CDH13: variants seen among roughly 807,000 people sequenced by gnomAD.
CDH13 encodes the protein cadherin 13, also known as cadherin-13.
In CDH13, 24 loss-of-function variants were observed where a neutral mutation model predicts 63.8. The observed-to-expected ratio is 0.38, with a 90% confidence interval of 0.27 to 0.53. CDH13 has a LOEUF of 0.53. CDH13 is among the 20% of genes least tolerant of loss of function. The probability of loss-of-function intolerance (pLI) is 0.85; values close to 1 mark genes in which losing one functional copy is unlikely to be tolerated. For synonymous variants in CDH13, 503 were observed against 355.3 expected, an observed-to-expected ratio of 1.42 and a Z score of -4.67; for missense variants, 1,049 against 903.1, an observed-to-expected ratio of 1.16 and a Z score of -2.07.
chr16:83,575,824 C>T (rs1905050833), intron 7 of CDH13, among the ~76,000 whole-genome samples: 2 of 152,218 alleles, frequency 1.3e-5, no homozygotes, highest in African/African-American at 2.4e-5. Flanking sequence ...CTGCCTCCCA[C>T]ACTGGGCTAT....
chr16:83,118,001 A>T (rs2035390061), intron 3 of CDH13, among the ~76,000 whole-genome samples: 1 of 152,222 alleles, frequency 6.6e-6, no homozygotes, highest in African/African-American at 2.4e-5. Context: ...ATCTTTGTGT[A>T]GGGATGACAG....
intron 6 of CDH13, among the ~76,000 whole-genome samples, chr16:83,465,640 G>A (rs2073294437): frequency 6.6e-6 from 1 of 152,212 alleles, no homozygotes; most frequent in South Asian, 2.1e-4. Context: ...TAGTGTTGGG[G>A]AATTATATGG....
intron 1 of CDH13, among the ~76,000 whole-genome samples, chr16:82,655,260 T>G (rs993020969): frequency 1.3e-5 from 2 of 152,164 alleles, no homozygotes; most frequent in African/African-American, 2.4e-5. Flanking sequence ...TAGTAATCAG[T>G]GTTGCAATCA....
chr16:83,212,927 C>T (rs1205423767), intron 4 of CDH13, among the ~76,000 whole-genome samples: 2 of 152,210 alleles, frequency 1.3e-5, no homozygotes, highest in Admixed American at 1.3e-4. Flanking sequence ...AAGGCCCCTA[C>T]TGGAAGTGAC....
chr16:83,123,216 A>G (rs1159005400), intron 3 of CDH13, among the ~76,000 whole-genome samples: 1 of 151,878 alleles, frequency 6.6e-6, no homozygotes, highest in African/African-American at 2.4e-5. Context: ...ATATGTTTAT[A>G]TATACGTATA....
chr16:82,869,235 A>T (rs1380945015), intron 2 of CDH13, among the ~76,000 whole-genome samples: 1 of 152,082 alleles, frequency 6.6e-6, no homozygotes. Context: ...TTAATAGAGC[A>T]AAGTTTTGCC....
intron 2 of CDH13, among the ~76,000 whole-genome samples, chr16:82,958,000 G>T (rs1906382421): frequency 6.6e-6 from 1 of 152,156 alleles, no homozygotes; most frequent in African/African-American, 2.4e-5. Context: ...CTTGGTCTAA[G>T]GTATCCACAC....
chr16:82,752,396 C>G (rs148206029), intron 1 of CDH13, among the ~76,000 whole-genome samples: 12 of 152,252 alleles, frequency 7.9e-5, no homozygotes, highest in Admixed American at 2.0e-4. Flanking sequence ...CCCTCCCCTA[C>G]CCACCACACC....
chr16:82,647,090 C>T (rs1314210936), intron 1 of CDH13, among the ~76,000 whole-genome samples: 2 of 152,196 alleles, frequency 1.3e-5, no homozygotes, highest in African/African-American at 4.8e-5. Context: ...GTTTGAAGCC[C>T]AGCTCTGCCA....
At chr16:83,209,280 C>T (rs1230422645) in intron 4 of CDH13, among the ~76,000 whole-genome samples, 2 of 152,210 alleles carry the variant, frequency 1.3e-5, no homozygotes, top group Non-Finnish European at 2.9e-5. Context: ...GATCTGCCGT[C>T]CATGTTCCAT....
At chr16:83,483,829 G>C (rs368452387) in intron 6 of CDH13, among the ~76,000 whole-genome samples, 2 of 152,182 alleles carry the variant, frequency 1.3e-5, no homozygotes, top group Middle Eastern at 3.2e-3. Context: ...TTTCACATCA[G>C]TTTCCATAGA....
intron 2 of CDH13, among the ~76,000 whole-genome samples, chr16:82,995,547 C>A (rs539257431): frequency 1.3e-5 from 2 of 152,268 alleles, no homozygotes; most frequent in Admixed American, 6.5e-5. Context: ...ACCATCAAGC[C>A]ACCATTCCAA....
chr16:83,656,116 A>C (rs1912845496), intron 8 of CDH13, among the ~76,000 whole-genome samples: 1 of 152,188 alleles, frequency 6.6e-6, no homozygotes, highest in Non-Finnish European at 1.5e-5. Context: ...GCCCCTGGCA[A>C]CCATAAGTCT....
intron 7 of CDH13, among the ~76,000 whole-genome samples, chr16:83,554,910 C>A (rs1029632447): frequency 2.8e-5 from 4 of 145,234 alleles, no homozygotes; most frequent in African/African-American, 1.0e-4. Context: ...CAATGCCCTA[C>A]TGCTGAATCT....
At chr16:83,474,516 A>C (rs71402082) in intron 6 of CDH13, among the ~76,000 whole-genome samples, 21,936 of 152,152 alleles carry the variant, frequency 0.14, 2,047 homozygotes, top group South Asian at 0.24. Context: ...GTTGCAAGGC[A>C]TACCCCCAGG....
At chr16:82,755,534 A>C (rs1010346164) in intron 1 of CDH13, among the ~76,000 whole-genome samples, 3 of 152,158 alleles carry the variant, frequency 2.0e-5, no homozygotes, top group African/African-American at 7.2e-5. Context: ...AATTTTCTGA[A>C]ATGTTTTAAA....
In CDH13 at chr16:83,082,886, T is replaced by G. The variant is rs777906106; in HGVS notation, c.367-42499T>G. ...TTAACAGCAACAGTGAATTCGCACG[T>G]TTGTTTTTCAGGCCATGCAAAGGGA... On this transcript the variant is annotated intron_variant, in intron 3 of 13. Coordinates refer to ENST00000567109, the MANE Select transcript of CDH13 (RefSeq NM_001257.5). Among the ~76,000 whole-genome samples the G allele has an allele frequency of 2.6e-4, 40 of 152,310 alleles. No individual in the cohort carries two copies. The Middle Eastern group carries it at 0.02, about 78-fold the overall frequency.
chr16:83,518,219 AC>A (rs1381066996), intron 7 of CDH13, among the ~76,000 whole-genome samples: 1 of 151,966 alleles, frequency 6.6e-6, no homozygotes, highest in Non-Finnish European at 1.5e-5. Context: ...ATCTTGGCTC[AC>A]TGCAGCTCTG....
intron 7 of CDH13, among the ~76,000 whole-genome samples, chr16:83,489,597 C>T (rs2073964047): frequency 6.6e-6 from 1 of 152,208 alleles, no homozygotes; most frequent in South Asian, 2.1e-4. Flanking sequence ...AAAACTTGCA[C>T]ATCAGATGTC....
Sources: allele counts gnomAD v4.1 joint callset (sites outside exome capture counted in the v4.1 genomes callset), GRCh38; gene constraint gnomAD v4.1.1; transcripts MANE v1.5; gene names NCBI Gene and HGNC (gene_info 2026-07-23, HGNC 2026-07-21).